The following KALRN variants were observed in gnomAD, a reference collection of about 807,000 sequenced individuals.
KALRN encodes kalirin RhoGEF kinase.
Under a neutral mutation model 353.7 loss-of-function variants are expected in KALRN, and 70 were observed. The observed-to-expected ratio is 0.20, with a 90% CI of 0.16 to 0.24. The LOEUF is 0.24. KALRN is among the 10% of genes least tolerant of loss of function. The pLI is 1.00. For missense variants in KALRN, 2,791 were observed against 3,756.7 expected, an observed-to-expected ratio of 0.74 and a Z score of 6.72; for synonymous variants, 1,391 against 1,434.8, an observed-to-expected ratio of 0.97 and a Z score of 0.69.
Position 124,488,189 on chromosome 3 carries a change from C to T in KALRN, c.4285-15C>T. ...GGAGATGGCCCTAATTATGTCCGGA[C>T]TTTTTTTTCCCCAGGAACTTTTAAC... On this transcript the variant is annotated splice_polypyrimidine_tract_variant and intron_variant, in intron 28 of 59. Transcript: ENST00000682506. 1 of 1,578,518 alleles carries T rather than the reference C, an allele frequency of 6.3e-7. No homozygotes were observed. The highest frequency in any genetic ancestry group is 8.7e-7 in the Non-Finnish European group (1 of 1,148,966).
chr3:124,719,654 C>A lies in KALRN; in HGVS notation c.*184C>A. The A allele has an allele frequency of 1.7e-6, 1 of 602,676 alleles. No homozygotes were observed. Among genetic ancestry groups the A allele is most frequent in the Non-Finnish European group, 2.9e-6 (1 of 350,400 alleles). The allele number at this position is 602,676 out of a possible 1,614,324, so 37.3% of individuals were successfully genotyped here. A position where few individuals can be genotyped will look rare whatever the true frequency, so the allele number is the denominator to read the frequency against. On this transcript the variant is annotated 3_prime_UTR_variant, in exon 60 of 60. Transcript: ENST00000682506. This position sits in a 1 kb window ranked among gnomAD's most constrained non-coding sequence, Gnocchi z 5.3. Reference sequence around the variant, plus strand: ...AGCAGCAGTAAAAGTCACCCTAAATCAAGGGGCTTTTCAGAAGGTCATTCT... The same window carrying A: ...AGCAGCAGTAAAAGTCACCCTAAATAAAGGGGCTTTTCAGAAGGTCATTCT...
chr3:124,509,395 G>A (rs1474893397), intron 33 of KALRN, among the ~76,000 whole-genome samples: 1 of 152,104 alleles, frequency 6.6e-6, no homozygotes, highest in African/African-American at 2.4e-5. Context: ...TTTTAGTAGA[G>A]ACGGAGTTTC....
chr3:124,203,653 C>A (rs577771489), intron 1 of KALRN, among the ~76,000 whole-genome samples: 1 of 152,320 alleles, frequency 6.6e-6, no homozygotes, highest in Admixed American at 6.5e-5. Context: ...ATAACTAACA[C>A]TGACCTCCTC....
chr3:124,339,859 G>A (rs766843104), intron 9 of KALRN, among the ~76,000 whole-genome samples: 33 of 152,136 alleles, frequency 2.2e-4, no homozygotes, highest in Non-Finnish European at 3.8e-4. Flanking sequence ...ATCAAATTAT[G>A]ACACAAGCTG....
At chr3:124,385,955 G>GA (rs34448699) in intron 11 of KALRN, among the ~76,000 whole-genome samples, 30 of 147,452 alleles carry the variant, frequency 2.0e-4, no homozygotes, top group East Asian at 7.9e-4. Flanking sequence ...TGCTGCTCAG[G>GA]AAAAAAAAAA....
chr3:124,121,112 AAAG>A (rs1355201160), intron 1 of KALRN, among the ~76,000 whole-genome samples: 2 of 151,334 alleles, frequency 1.3e-5, no homozygotes, highest in Non-Finnish European at 2.9e-5. Flanking sequence ...AAAAAAAAAA[AAAG>A]AAATCAGAAA....
rs34217738 is a variant in KALRN at position 124,047,659 on chromosome 3, AT to A, written c.73+13855del. On this transcript the variant is annotated intron_variant, in intron 1 of 59. Transcript: ENST00000682506. Reference sequence around the variant, plus strand: ...AGGCGCCCGCCACCACGCCTGGCTAATTTTTTTTTATTTTTTTTTATTTTTA... The same window carrying A: ...AGGCGCCCGCCACCACGCCTGGCTAATTTTTTTTATTTTTTTTTATTTTTA... Among the ~76,000 whole-genome samples the A allele has an allele frequency of 2.5e-4, 31 of 125,044 alleles. No homozygotes were observed. The East Asian group carries it at 2.7e-3, about 11-fold the overall frequency. 82.0% of individuals were successfully genotyped at this position (125,044 alleles called of 152,430 possible).
chr3:124,332,841 G>T (rs534935415), intron 8 of KALRN, among the ~76,000 whole-genome samples: 1 of 152,254 alleles, frequency 6.6e-6, no homozygotes, highest in African/African-American at 2.4e-5. Context: ...ATTTTAAAAG[G>T]ATAAAGACGA....
intron 1 of KALRN, among the ~76,000 whole-genome samples, chr3:124,145,573 G>A (rs79736495): frequency 0.02 from 3,095 of 152,266 alleles, 92 homozygotes; most frequent in African/African-American, 0.071. Context: ...GGTGTGACTT[G>A]CAGTCACTGC....
chr3:124,047,592 A>G (rs1048162957), intron 1 of KALRN, among the ~76,000 whole-genome samples: 4 of 147,722 alleles, frequency 2.7e-5, no homozygotes, highest in African/African-American at 1.0e-4. Context: ...CCCTGGGTTC[A>G]TGCCATTCTC....
At chr3:124,036,859 T>G (rs1177349856) in intron 1 of KALRN, among the ~76,000 whole-genome samples, 1 of 152,246 alleles carries the variant, frequency 6.6e-6, no homozygotes, top group Non-Finnish European at 1.5e-5. Context: ...TTCTGATCAT[T>G]TTGGTGTTTC....
chr3:124,391,978 G>T (rs1017791168), intron 11 of KALRN, among the ~76,000 whole-genome samples: 1 of 152,188 alleles, frequency 6.6e-6, no homozygotes, highest in Non-Finnish European at 1.5e-5. Context: ...CCAAAATGAA[G>T]GACTACTTCA....
chr3:124,709,220 A>G (rs2062777632), intron 57 of KALRN, among the ~76,000 whole-genome samples: 1 of 152,184 alleles, frequency 6.6e-6, no homozygotes, highest in Non-Finnish European at 1.5e-5. Flanking sequence ...ACAAGAGCAT[A>G]ATCCTGCAAT....
chr3:124,175,271 A>T, intron 1 of KALRN, among the ~76,000 whole-genome samples: 1 of 152,262 alleles, frequency 6.6e-6, no homozygotes, highest in African/African-American at 2.4e-5. Context: ...TGGAGGTACC[A>T]GGCACCTAGC....
At chr3:124,670,249 G>T (rs976887604) in intron 47 of KALRN, among the ~76,000 whole-genome samples, 1 of 152,224 alleles carries the variant, frequency 6.6e-6, no homozygotes, top group African/African-American at 2.4e-5. Context: ...CTCCCAAAGT[G>T]CTGGGATTAC....
chr3:124,152,219 A>T, intron 1 of KALRN: 1 of 1,583,718 alleles, frequency 6.3e-7, no homozygotes, highest in South Asian at 1.1e-5. Context: ...ATTTTGCCAT[A>T]ACCACGCTTG....
intron 1 of KALRN, among the ~76,000 whole-genome samples, chr3:124,223,554 A>C (rs78120183): frequency 0.014 from 2,132 of 152,348 alleles, 38 homozygotes; most frequent in African/African-American, 0.044. Flanking sequence ...ACTGAGAACC[A>C]AAAGGAAACA....
chr3:124,646,981 TAAATC>T (rs1458144213), intron 37 of KALRN, among the ~76,000 whole-genome samples: 2 of 152,210 alleles, frequency 1.3e-5, no homozygotes, highest in Non-Finnish European at 2.9e-5. Flanking sequence ...TTCTAAGTCT[TAAATC>T]AAAACATGCT....
chr3:124,648,030 T>C (rs1216067410), intron 37 of KALRN, among the ~76,000 whole-genome samples: 1 of 152,166 alleles, frequency 6.6e-6, no homozygotes, highest in Non-Finnish European at 1.5e-5. Context: ...GAGCTCCAGG[T>C]GGGGCATAAG....
Sources: allele counts gnomAD v4.1 joint callset (sites outside exome capture counted in the v4.1 genomes callset), GRCh38; gene constraint gnomAD v4.1.1; non-coding constraint Gnocchi (gnomAD v3.1); transcripts MANE v1.5; gene names NCBI Gene and HGNC (gene_info 2026-07-23, HGNC 2026-07-21).